XNDC1N: variants seen among roughly 807,000 people sequenced by gnomAD.
XNDC1N encodes the protein XRCC1 N-terminal domain containing 1, N-terminal like.
chr11:71,873,503 A>G, the XNDC1N span, among the ~76,000 whole-genome samples: 1 of 152,224 alleles, frequency 6.6e-6, no homozygotes, highest in East Asian at 1.9e-4. Flanking sequence ...TTATTTTAGA[A>G]TTTATTCAAT....
At chr11:71,891,047 CA>C in the XNDC1N span, among the ~76,000 whole-genome samples, 3 of 152,018 alleles carry the variant, frequency 2.0e-5, no homozygotes, top group Non-Finnish European at 4.4e-5. Flanking sequence ...GGAAGGGTAT[CA>C]GGGGGAAGGT....
the XNDC1N span, among the ~76,000 whole-genome samples, chr11:71,868,934 G>A: frequency 2.0e-5 from 3 of 151,962 alleles, no homozygotes; most frequent in East Asian, 1.9e-4. Context: ...ATATCTGGTC[G>A]CTTTACATAA....
At chr11:71,927,575 C>G in the XNDC1N span, 1 of 151,184 alleles carries the variant, frequency 6.6e-6, no homozygotes, top group African/African-American at 2.4e-5. Context: ...CAATACAATA[C>G]TATATAGTCA....
At chr11:71,868,391 T>C in the XNDC1N span, among the ~76,000 whole-genome samples, 2 of 152,230 alleles carry the variant, frequency 1.3e-5, no homozygotes, top group African/African-American at 4.8e-5. Flanking sequence ...TCTATGTAAT[T>C]AATTGTGTTT....
chr11:71,885,866 C>A, the XNDC1N span, among the ~76,000 whole-genome samples: 1 of 151,692 alleles, frequency 6.6e-6, no homozygotes, highest in Non-Finnish European at 1.5e-5. Context: ...CATCATTAAT[C>A]ATTAATATTA....
chr11:71,914,303 A>C, the XNDC1N span: 2 of 456,122 alleles, frequency 4.4e-6, no homozygotes, highest in Non-Finnish European at 8.8e-6. Context: ...CATCAACATG[A>C]ATGTGAATTT....
the XNDC1N span, among the ~76,000 whole-genome samples, chr11:71,888,424 C>T: frequency 6.6e-6 from 1 of 152,136 alleles, no homozygotes; most frequent in African/African-American, 2.4e-5. Flanking sequence ...GACCGGGAAA[C>T]TTTGGAATGC....
chr11:71,892,736 G>C, the XNDC1N span, among the ~76,000 whole-genome samples: 1 of 151,950 alleles, frequency 6.6e-6, no homozygotes, highest in East Asian at 1.9e-4. Context: ...GGTCAGGCTG[G>C]TCTGGAACTC....
the XNDC1N span, among the ~76,000 whole-genome samples, chr11:71,906,333 G>C: frequency 6.7e-6 from 1 of 149,980 alleles, no homozygotes; most frequent in Non-Finnish European, 1.5e-5. Context: ...ATTAGGAGTA[G>C]CATCCTTCTA....
At chr11:71,923,990 A>T in the XNDC1N span, among the ~76,000 whole-genome samples, 1 of 152,152 alleles carries the variant, frequency 6.6e-6, no homozygotes, top group Non-Finnish European at 1.5e-5. Flanking sequence ...TAATATATTA[A>T]GATGTTAATG....
chr11:71,890,956 T>C, the XNDC1N span, among the ~76,000 whole-genome samples: 1 of 151,664 alleles, frequency 6.6e-6, no homozygotes, highest in African/African-American at 2.4e-5. Flanking sequence ...CCCCCTTGCA[T>C]ATTGGGAACA....
the XNDC1N span, chr11:71,903,060 C>T: frequency 4.0e-6 from 2 of 504,774 alleles, no homozygotes; most frequent in Non-Finnish European, 7.3e-6. Flanking sequence ...GTGTGGATTG[C>T]TCTGAAATCT....
chr11:71,899,502 CCA>C, the XNDC1N span, among the ~76,000 whole-genome samples: 2 of 151,492 alleles, frequency 1.3e-5, no homozygotes, highest in South Asian at 4.2e-4. Context: ...TAGATTTGCC[CCA>C]GACACTTTGA....
chr11:71,905,335 C>T, the XNDC1N span, among the ~76,000 whole-genome samples: 5 of 151,730 alleles, frequency 3.3e-5, no homozygotes, highest in Non-Finnish European at 5.9e-5. Flanking sequence ...CTAGGATAAC[C>T]CATGTGATAT....
At chr11:71,890,747 G>A in the XNDC1N span, among the ~76,000 whole-genome samples, 7 of 151,922 alleles carry the variant, frequency 4.6e-5, no homozygotes, top group East Asian at 1.9e-4. Context: ...GAACAATATC[G>A]TAGGGGTGGG....
At chr11:71,893,595 C>A in the XNDC1N span, 3 of 1,046,928 alleles carry the variant, frequency 2.9e-6, no homozygotes, top group Non-Finnish European at 4.4e-6. Context: ...TGCTGAGGAA[C>A]CTGCTCAACA....
At chr11:71,895,569 C>T in the XNDC1N span, among the ~76,000 whole-genome samples, 100 of 151,624 alleles carry the variant, frequency 6.6e-4, no homozygotes, top group African/African-American at 2.2e-3. Context: ...TCAGGTGATC[C>T]GCCCGCTTCC....
the XNDC1N span, among the ~76,000 whole-genome samples, chr11:71,872,723 G>A: frequency 2.6e-5 from 4 of 152,100 alleles, no homozygotes; most frequent in South Asian, 2.1e-4. Flanking sequence ...GCAAGACTCC[G>A]TCTCAAAAAA....
the XNDC1N span, among the ~76,000 whole-genome samples, chr11:71,911,702 G>C: frequency 1.3e-5 from 2 of 152,136 alleles, no homozygotes; most frequent in African/African-American, 4.8e-5. Context: ...TTGAACTCTG[G>C]GGGAAAAGGC....
Sources: allele counts gnomAD v4.1 joint callset (sites outside exome capture counted in the v4.1 genomes callset), GRCh38; gene constraint gnomAD v4.1.1; transcripts MANE v1.5; gene names NCBI Gene and HGNC (gene_info 2026-07-23, HGNC 2026-07-21).